CFDP1: variants seen among roughly 807,000 people sequenced by gnomAD.
The protein encoded by CFDP1 is heterochromatin-stabilizing protein CFDP1.
A neutral mutation model predicts 40.1 loss-of-function variants in CFDP1; 31 were observed. The observed-to-expected ratio is 0.77, with a 90% CI of 0.58 to 1.04. CFDP1 has a LOEUF of 1.04. Ranked by LOEUF, CFDP1 falls within the 50% of genes least tolerant of loss-of-function variation. CFDP1 has a pLI of 0.00. For missense variants in CFDP1, 423 were observed against 343.4 expected (o/e 1.23, Z -1.83); for synonymous variants, 167 against 120.0 (o/e 1.39, Z -2.56).
At chr16:75,308,805 T>C (rs1377793126) in intron 5 of CFDP1, among the ~76,000 whole-genome samples, 2 of 152,198 alleles carry the variant, frequency 1.3e-5, no homozygotes, top group Non-Finnish European at 2.9e-5. Flanking sequence ...GGCCATCTTA[T>C]TGACGAATTA....
intron 5 of CFDP1, among the ~76,000 whole-genome samples, chr16:75,322,618 T>A (rs1239056397): frequency 1.3e-5 from 2 of 152,190 alleles, no homozygotes; most frequent in African/African-American, 4.8e-5. Flanking sequence ...ATGGTACAGT[T>A]GAGCATCCTA....
chr16:75,407,971 G>A (rs150348600), intron 4 of CFDP1, among the ~76,000 whole-genome samples: 37 of 152,200 alleles, frequency 2.4e-4, no homozygotes, highest in Non-Finnish European at 4.6e-4. Flanking sequence ...GCCAAGCGTG[G>A]TGTATGCCTA....
chr16:75,395,826 G>A (rs1161155879), intron 4 of CFDP1, among the ~76,000 whole-genome samples: 1 of 151,936 alleles, frequency 6.6e-6, no homozygotes, highest in African/African-American at 2.4e-5. Flanking sequence ...ACATGACTGA[G>A]AATTTTGTCT....
chr16:75,385,874 T>C lies in CFDP1; in HGVS notation c.650+9216A>G, dbSNP rs183823951. Among the ~76,000 whole-genome samples, 14 of 152,314 alleles carry C rather than the reference T, an allele frequency of 9.2e-5. No individual in the cohort carries two copies. In the East Asian group the frequency reaches 2.7e-3, roughly 29 times the overall value. On this transcript the variant is annotated intron_variant, in intron 5 of 6. Transcript: ENST00000283882. Reference sequence around the variant, plus strand: ...TTCGTTTCCTTGCTCCCAAATCAATTTATATTATCATACTAAGTAAACTGT... The same window carrying C: ...TTCGTTTCCTTGCTCCCAAATCAATCTATATTATCATACTAAGTAAACTGT...
Position 75,319,046 on chromosome 16 carries a change from ACTTT to A in CFDP1, c.651-13868_651-13865del, listed in dbSNP as rs370074484. On this transcript the variant is annotated intron_variant, in intron 5 of 6. Transcript: ENST00000283882. ...ATTACTCCCTCTCAATACCAAACTT[ACTTT>A]ATTTATTTATTTTTTTGAGATGAAG... Among the ~76,000 whole-genome samples, 218 of 152,142 alleles carry A rather than the reference ACTTT, an allele frequency of 1.4e-3. 2 individuals are homozygous for A. Among genetic ancestry groups the A allele is most frequent in the African/African-American group, 5.0e-3 (207 of 41,506 alleles).
intron 5 of CFDP1, among the ~76,000 whole-genome samples, chr16:75,318,361 T>C (rs2078338384): frequency 6.6e-6 from 1 of 151,998 alleles, no homozygotes; most frequent in African/African-American, 2.4e-5. Context: ...CAGTGGTGTG[T>C]TGTTTGGCTG....
At chr16:75,303,029 G>A (rs370994638) in intron 6 of CFDP1, among the ~76,000 whole-genome samples, 5 of 152,098 alleles carry the variant, frequency 3.3e-5, no homozygotes, top group Non-Finnish European at 4.4e-5. Context: ...GTGAAATCCC[G>A]TCTCTACTAA....
chr16:75,370,706 T>C (rs2078745459), intron 5 of CFDP1, among the ~76,000 whole-genome samples: 1 of 151,896 alleles, frequency 6.6e-6, no homozygotes, highest in African/African-American at 2.4e-5. Context: ...CTACTAAACA[T>C]ACAAAAATTA....
At chr16:75,428,626 T>C (rs1012314160) in intron 1 of CFDP1, among the ~76,000 whole-genome samples, 3 of 67,964 alleles carry the variant, frequency 4.4e-5, no homozygotes, top group African/African-American at 1.8e-4. Flanking sequence ...CAAAAATAAA[T>C]AAATAGAGAG....
At chr16:75,321,283 A>C (rs578100710) in intron 5 of CFDP1, among the ~76,000 whole-genome samples, 69 of 152,214 alleles carry the variant, frequency 4.5e-4, no homozygotes, top group African/African-American at 1.5e-3. Context: ...ACTTTTTATA[A>C]TAGCTTTACT....
chr16:75,335,975 A>C (rs8052405), intron 5 of CFDP1, among the ~76,000 whole-genome samples: 32,567 of 152,160 alleles, frequency 0.21, 3,870 homozygotes, highest in African/African-American at 0.31. Context: ...GACTGACTTC[A>C]AAATGACAGA....
intron 5 of CFDP1, among the ~76,000 whole-genome samples, chr16:75,330,305 A>G (rs1360232360): frequency 6.6e-6 from 1 of 152,176 alleles, no homozygotes; most frequent in Non-Finnish European, 1.5e-5. Flanking sequence ...AATAATGATA[A>G]GCCTGGGACA....
intron 5 of CFDP1, among the ~76,000 whole-genome samples, chr16:75,365,533 A>C (rs920603696): frequency 1.3e-5 from 2 of 152,194 alleles, no homozygotes; most frequent in African/African-American, 4.8e-5. Flanking sequence ...GAACAGCTGG[A>C]AAGTGAGGGA....
At chr16:75,409,506 A>AATACT in intron 4 of CFDP1, 1 of 152,134 alleles carries the variant, frequency 6.6e-6, no homozygotes, top group East Asian at 1.9e-4. Context: ...TTTTTCTAGT[A>AATACT]ATTCCTTTTT....
intron 6 of CFDP1, among the ~76,000 whole-genome samples, chr16:75,299,868 G>T (rs2078210228): frequency 6.6e-6 from 1 of 152,140 alleles, no homozygotes; most frequent in South Asian, 2.1e-4. Flanking sequence ...CTTGGGTGGG[G>T]GTACTCTAGA....
intron 5 of CFDP1, among the ~76,000 whole-genome samples, chr16:75,315,244 T>A (rs2078316757): frequency 7.1e-6 from 1 of 141,506 alleles, no homozygotes; most frequent in African/African-American, 2.7e-5. Flanking sequence ...AGGTGGGAGG[T>A]TTGCTTGAGA....
intron 5 of CFDP1, among the ~76,000 whole-genome samples, chr16:75,370,224 C>G (rs1261470614): frequency 2.0e-5 from 3 of 151,866 alleles, no homozygotes; most frequent in Non-Finnish European, 4.4e-5. Context: ...TCCCAAGTAA[C>G]TGGGATTACA....
intron 1 of CFDP1, among the ~76,000 whole-genome samples, chr16:75,429,454 T>G (rs932266010): frequency 6.6e-6 from 1 of 151,986 alleles, no homozygotes; most frequent in Non-Finnish European, 1.5e-5. Context: ...AGGAGTTCAA[T>G]ATCAGCCTGG....
intron 5 of CFDP1, among the ~76,000 whole-genome samples, chr16:75,360,570 G>C (rs1385667370): frequency 6.6e-6 from 1 of 152,196 alleles, no homozygotes; most frequent in East Asian, 1.9e-4. Context: ...GGGAGCATAA[G>C]TTAAAGACAA....
Sources: gnomAD v4.1 joint callset for allele counts (sites outside exome capture counted in the v4.1 genomes callset) on GRCh38, gnomAD v4.1.1 for gene constraint, MANE v1.5 for transcripts, NCBI Gene and HGNC (gene_info 2026-07-23, HGNC 2026-07-21) for gene names.